Variants in TNK2 observed in about 807,000 individuals in gnomAD.
The protein encoded by TNK2 is activated CDC42 kinase 1.
A neutral mutation model predicts 101.8 loss-of-function variants in TNK2; 83 were observed. The ratio of observed to expected loss-of-function variants is 0.82; its 90% CI spans 0.68 to 0.98. The LOEUF is 0.98. Among genes scored for constraint, TNK2 ranks in the 50% least tolerant of loss-of-function variants. TNK2 has a pLI of 0.00. For synonymous variants in TNK2, 804 were observed against 633.0 expected, an observed-to-expected ratio of 1.27 and a Z score of -4.06; for missense variants, 1,665 against 1,483.2, an observed-to-expected ratio of 1.12 and a Z score of -2.01.
intron 2 of TNK2, among the ~76,000 whole-genome samples, chr3:195,887,988 G>GTGCA (rs1234272588): frequency 3.3e-5 from 5 of 151,958 alleles, no homozygotes; most frequent in Admixed American, 2.6e-4. Context: ...GCCTGTGCGT[G>GTGCA]TGCATGCGTG....
intron 9 of TNK2, chr3:195,876,608 C>T (rs1386082297): frequency 8.8e-6 from 4 of 456,208 alleles, no homozygotes; most frequent in East Asian, 6.9e-5. Context: ...CCTCACCTCC[C>T]ACCTCCTGAG....
intron 1 of TNK2, chr3:195,892,810 G>T: frequency 2.1e-6 from 2 of 968,768 alleles, no homozygotes; most frequent in Non-Finnish European, 2.4e-6. Flanking sequence ...CCTCCCTCTT[G>T]CCTGCCTCTC....
chr3:195,870,407 G>A (rs1030457229), intron 10 of TNK2: 15 of 1,437,566 alleles, frequency 1.0e-5, no homozygotes, highest in Non-Finnish European at 1.3e-5. Flanking sequence ...AAGGACACCT[G>A]ACCCCAGGAT....
intron 1 of TNK2, among the ~76,000 whole-genome samples, chr3:195,904,070 T>A (rs1761492632): frequency 6.6e-6 from 1 of 151,730 alleles, no homozygotes; most frequent in Non-Finnish European, 1.5e-5. Context: ...CTGGGCAACA[T>A]GCCAAACTCC....
chr3:195,867,152 G>T lies in TNK2; in HGVS notation c.3033+17C>A. 6.2e-7 allele frequency: 1 copy of T among 1,612,164 alleles called. No homozygotes were observed. Among genetic ancestry groups the T allele is most frequent in the Non-Finnish European group, 8.5e-7 (1 of 1,179,574 alleles). On this transcript the variant is annotated intron_variant, in intron 14 of 15. Transcript: ENST00000672887. ...TCAGGGTCCCTGAGAGCCAGAGTGA[G>T]CAGGAGGTGGCGGTACCTTCAGATA...
At chr3:195,884,527 C>G in intron 4 of TNK2, 1 of 366,256 alleles carries the variant, frequency 2.7e-6, no homozygotes, top group Non-Finnish European at 4.9e-6. Context: ...CCTGTAATCC[C>G]AGCTACTCAG....
In TNK2 at chr3:195,883,164, A is replaced by G; in HGVS notation, c.602T>C (p.Met201Thr). ...CCCGCCCGCAGTACTCACCATCTTC[A>G]TGGGCGGCGTGAGCACCACCCCGTA... Reference protein sequence around the residue: ...RLYGVVLTPPMKMVTELAPLG... With the variant: ...RLYGVVLTPPTKMVTELAPLG... The change falls in exon 5 of 16, where the codon ATG becomes ACG. Residue 201 changes from methionine to threonine, a missense_variant. Around this residue, in one of 3 missense-constraint regions of TNK2, gnomAD observed 490 missense variants for 522.5 expected, o/e 0.94. Coordinates refer to ENST00000672887, the MANE Select transcript of TNK2 (RefSeq NM_001382273.1). 2 of 1,604,028 alleles carry G rather than the reference A, an allele frequency of 1.2e-6. No homozygotes were observed. The highest frequency in any genetic ancestry group is 1.7e-6 in the Non-Finnish European group (2 of 1,179,472).
At position 195,876,632 on chromosome 3, in the gene TNK2, G is replaced by A. The variant is rs183484345; in HGVS notation, c.1256+1621C>T. On this transcript the variant is annotated intron_variant, in intron 9 of 15. Coordinates refer to ENST00000672887, the MANE Select transcript of TNK2 (RefSeq NM_001382273.1). ...CCACCTCCTGAGCAGCTCCAGGCAC[G>A]GAGGGCAGGTGCTGTGGTTCCAAGC... 3.5e-4 allele frequency: 158 copies of A among 456,168 alleles called. 1 individual carries two copies. The highest frequency in any genetic ancestry group is 9.2e-4 in the Admixed American group (39 of 42,574). 28.3% of individuals were successfully genotyped at this position (456,168 alleles called of 1,614,324 possible). A position where few individuals can be genotyped will look rare whatever the true frequency, so the allele number is the denominator to read the frequency against.
At position 195,883,172 on chromosome 3, in the gene TNK2, C is replaced by T. The variant is rs530737824; in HGVS notation, c.594G>A (p.Thr198=). ...NLIRLYGVVL[T]PPMKMVTELA... is the part of the protein sequence containing the mutation. ...CAGTACTCACCATCTTCATGGGCGG[C>T]GTGAGCACCACCCCGTAGAGGCGGA... Residue 198 remains threonine, a synonymous_variant, in exon 5 of 16, where the codon ACG becomes ACA. Transcript: ENST00000672887. 1.3e-4 allele frequency: 215 copies of T among 1,605,944 alleles called. No individual in the cohort carries two copies. The highest frequency in any genetic ancestry group is 1.7e-4 in the Non-Finnish European group (201 of 1,179,618).
chr3:195,901,679 G>A (rs1761222178), intron 1 of TNK2, among the ~76,000 whole-genome samples: 1 of 152,068 alleles, frequency 6.6e-6, no homozygotes, highest in Admixed American at 6.5e-5. Context: ...CTATGCGCCA[G>A]CTCTTCACTG....
intron 1 of TNK2, among the ~76,000 whole-genome samples, chr3:195,900,962 T>TGGAAAGAAGGAGTGG (rs1468367896): frequency 6.6e-6 from 1 of 151,864 alleles, no homozygotes; most frequent in Non-Finnish European, 1.5e-5. Context: ...AGGTGGAGTG[T>TGGAAAGAAGGAGTGG]GGAAAGAAGG....
At position 195,872,357 on chromosome 3, in the gene TNK2, G is replaced by T; in HGVS notation, c.1370C>A (p.Pro457His). Reference sequence around the variant, plus strand: ...TGTGTGGATGAAGCTGTTCTGCAGGGGCTGGCTGATGTCCTGGGCCGACAG... The same window carrying T: ...TGTGTGGATGAAGCTGTTCTGCAGGTGCTGGCTGATGTCCTGGGCCGACAG... Reference protein sequence around the residue: ...AGLSAQDISQPLQNSFIHTGH... With the variant: ...AGLSAQDISQHLQNSFIHTGH... Residue 457 changes from proline to histidine, a missense_variant, in exon 10 of 16, where the codon CCC becomes CAC. Physicochemically the swap from Pro to His is moderately conservative, Grantham distance 77 (BLOSUM62 -2). This residue lies in a region of TNK2 where 1,136 missense variants were observed against 894.9 expected (regional missense o/e 1.27). Coordinates refer to ENST00000672887, the MANE Select transcript of TNK2 (RefSeq NM_001382273.1). The T allele has an allele frequency of 6.2e-7, 1 of 1,613,442 alleles. No individual in the cohort carries two copies. Among genetic ancestry groups the T allele is most frequent in the Non-Finnish European group, 8.5e-7 (1 of 1,179,934 alleles).
chr3:195,869,723 C>CG, intron 11 of TNK2, 182 bp from the exon 12 acceptor site: 1 of 664,198 alleles, frequency 1.5e-6, no homozygotes. Context: ...AGGAACACGG[C>CG]GGTCCAGTAT....
chr3:195,883,240 G>A lies in TNK2; in HGVS notation c.526C>T (p.Arg176Trp), dbSNP rs184412835. The A allele has an allele frequency of 8.0e-5, 129 of 1,612,530 alleles. 1 individual carries two copies. Among genetic ancestry groups the A allele is most frequent in the Admixed American group, 7.8e-4 (47 of 59,996 alleles). The part of the protein sequence containing the change: ...SQPEAMDDFI[R>W]EVNAMHSLDH... The stretch of plus-strand genomic sequence containing the variant: ...AGCGAGTGCATGGCATTGACCTCCC[G>A]GATGAAGTCGTCCATGGCTTCTGGC... The change falls in exon 5 of 16, where the codon CGG becomes TGG. Residue 176 changes from arginine (R) to tryptophan (W), a missense_variant. By Grantham distance (101) the Arg-to-Trp change is moderately radical. Around this residue, in one of 3 missense-constraint regions of TNK2, gnomAD observed 490 missense variants for 522.5 expected, o/e 0.94. Coordinates refer to ENST00000672887, the MANE Select transcript of TNK2 (RefSeq NM_001382273.1).
At chr3:195,873,813 C>CGGCGGGGAGGCGGGGGGCGCGGG in intron 9 of TNK2, among the ~76,000 whole-genome samples, 1 of 148,314 alleles carries the variant, frequency 6.7e-6, no homozygotes, top group East Asian at 2.2e-4. Context: ...GCACCACGGT[C>CGGCGGGGAGGCGGGGGGCGCGGG]GGCGGGGAGG....
chr3:195,891,277 A>G (rs1025982684), intron 1 of TNK2, among the ~76,000 whole-genome samples: 1 of 152,212 alleles, frequency 6.6e-6, no homozygotes, highest in African/African-American at 2.4e-5. Context: ...CTGGTGGCAC[A>G]TGCCTGTAAT....
chr3:195,887,892 GTGCA>G (rs1346140529), intron 2 of TNK2, among the ~76,000 whole-genome samples: 4 of 126,420 alleles, frequency 3.2e-5, no homozygotes, highest in East Asian at 2.0e-4. Flanking sequence ...GCGTACGCAC[GTGCA>G]TGCGTGTGTG....
rs1003424288 is a variant in TNK2, at chr3:195,863,380, C to T, written c.*801G>A. 1 of 152,674 alleles carries T rather than the reference C, an allele frequency of 6.5e-6. No homozygotes were observed. Among genetic ancestry groups the T allele is most frequent in the East Asian group, 1.9e-4 (1 of 5,202 alleles). The allele number at this position is 152,674 out of a possible 1,614,324, so 9.5% of individuals were successfully genotyped here. A position where few individuals can be genotyped will look rare whatever the true frequency, so the allele number is the denominator to read the frequency against. On this transcript the variant is annotated 3_prime_UTR_variant, in exon 16 of 16. Coordinates refer to ENST00000672887, the MANE Select transcript of TNK2 (RefSeq NM_001382273.1). Reference sequence around the variant, plus strand: ...ACAAGTAAGTAACATAAAATAGAAACTAACTTTATTTCTCTGGAAGAAGCA... The same window carrying T: ...ACAAGTAAGTAACATAAAATAGAAATTAACTTTATTTCTCTGGAAGAAGCA...
At chr3:195,899,486 C>G (rs779557009) in intron 1 of TNK2, among the ~76,000 whole-genome samples, 1 of 152,050 alleles carries the variant, frequency 6.6e-6, no homozygotes, top group African/African-American at 2.4e-5. Flanking sequence ...GCCACCACGC[C>G]CAGCTAATTT....
Sources: gnomAD v4.1 joint callset for allele counts (sites outside exome capture counted in the v4.1 genomes callset) on GRCh38, gnomAD v4.1.1 for gene constraint, gnomAD v4.1.1 regional missense constraint, MANE v1.5 for transcripts, NCBI Gene and HGNC (gene_info 2026-07-23, HGNC 2026-07-21) for gene names.